The following COL5A1 variants were observed in gnomAD, a reference collection of about 807,000 sequenced individuals.
COL5A1 encodes the protein collagen type V alpha 1 chain, also known as collagen alpha-1(V) chain.
A neutral mutation model predicts 263.7 loss-of-function variants in COL5A1; 16 were observed. The ratio of observed to expected loss-of-function variants is 0.06; its 90% CI spans 0.04 to 0.09. The LOEUF (loss-of-function observed/expected upper bound fraction) is 0.09. COL5A1 is among the 10% of genes least tolerant of loss of function. COL5A1 has a pLI of 1.00. For missense variants in COL5A1, 2,036 were observed against 2,540.5 expected (o/e 0.80, Z 4.27); for synonymous variants, 1,012 against 1,004.5 (o/e 1.01, Z -0.14).
chr9:134,796,865 A>G lies in COL5A1; in HGVS notation c.2862A>G (p.Gln954=). 6.2e-7 allele frequency: 1 copy of G among 1,614,040 alleles called. No individual in the cohort carries two copies. Among genetic ancestry groups the G allele is most frequent in the South Asian group, 1.1e-5 (1 of 91,070 alleles). ...GTTCCCAGGGACCCAATGGACCCCAAGGACCCACAGGATTTCCTGGACCAA... is the reference window on the plus strand; with the variant it reads ...GTTCCCAGGGACCCAATGGACCCCAGGGACCCACAGGATTTCCTGGACCAA... The part of the protein sequence containing the change: ...PPGERGPNGP[Q]GPTGFPGPKG... Residue 954 remains glutamine (Q), a synonymous_variant, in exon 36 of 66, where the codon CAA becomes CAG. Coordinates refer to ENST00000371817, the MANE Select transcript of COL5A1 (RefSeq NM_000093.5).
chr9:134,781,039 G>T (rs1837232201), intron 28 of COL5A1, among the ~76,000 whole-genome samples: 1 of 152,262 alleles, frequency 6.6e-6, no homozygotes, highest in Non-Finnish European at 1.5e-5. Flanking sequence ...TGCGGGTGCT[G>T]GCGTGATGGT....
At chr9:134,650,000 A>G (rs1373483176) in intron 1 of COL5A1, among the ~76,000 whole-genome samples, 3 of 143,034 alleles carry the variant, frequency 2.1e-5, no homozygotes, top group African/African-American at 7.6e-5. Context: ...ACACACGGAC[A>G]CAGGGAGGGG....
At chr9:134,676,677 T>G in intron 1 of COL5A1, among the ~76,000 whole-genome samples, 1 of 152,282 alleles carries the variant, frequency 6.6e-6, no homozygotes, top group Non-Finnish European at 1.5e-5. Flanking sequence ...CATTGGTTGA[T>G]TTGTTCATTT....
intron 4 of COL5A1, among the ~76,000 whole-genome samples, chr9:134,707,941 G>C (rs934267573): frequency 1.3e-5 from 2 of 152,204 alleles, no homozygotes; most frequent in African/African-American, 4.8e-5. Context: ...TGGCGGCTCC[G>C]GGACGTGAGG....
At chr9:134,771,566 T>C (rs952547406) in intron 25 of COL5A1, among the ~76,000 whole-genome samples, 3 of 152,228 alleles carry the variant, frequency 2.0e-5, no homozygotes, top group Admixed American at 6.5e-5. Context: ...TCAAACCCAA[T>C]TGGACAGCTA....
intron 4 of COL5A1, among the ~76,000 whole-genome samples, chr9:134,705,477 G>A (rs1012409502): frequency 2.0e-5 from 3 of 152,250 alleles, no homozygotes; most frequent in Non-Finnish European, 2.9e-5. Context: ...ACAGAGCCAC[G>A]TACGGAGGAA....
intron 1 of COL5A1, among the ~76,000 whole-genome samples, chr9:134,669,470 G>A (rs963392727): frequency 4.0e-5 from 6 of 151,776 alleles, no homozygotes; most frequent in Admixed American, 2.0e-4. Flanking sequence ...ATAGCGATTG[G>A]CATTTTTGTG....
chr9:134,676,903 T>C (rs960314883), intron 1 of COL5A1, among the ~76,000 whole-genome samples: 1 of 152,258 alleles, frequency 6.6e-6, no homozygotes, highest in Non-Finnish European at 1.5e-5. Context: ...CTTTGAGCGC[T>C]GTACCAAGCA....
rs762437910 is a variant in COL5A1 at position 134,842,108 on chromosome 9, G to C, written c.5371-49G>C. 6.2e-6 allele frequency: 10 copies of C among 1,607,888 alleles called. No individual in the cohort carries two copies. Among genetic ancestry groups the C allele is most frequent in the Non-Finnish European group, 8.5e-6 (10 of 1,174,606 alleles). ...GTGGGGGGTGATTGGTAAACCCCAA[G>C]ACCCCCAACTGTTCTTAACCACCGG... On this transcript the variant is annotated intron_variant, in intron 65 of 65. Coordinates refer to ENST00000371817, the MANE Select transcript of COL5A1 (RefSeq NM_000093.5). This position sits in a 1 kb window ranked among gnomAD's most constrained non-coding sequence, Gnocchi z 5.8.
chr9:134,734,685 G>C (rs568171458), intron 9 of COL5A1, among the ~76,000 whole-genome samples: 2 of 152,230 alleles, frequency 1.3e-5, no homozygotes, highest in South Asian at 4.1e-4. Context: ...GGAATCCACG[G>C]AACCGAGAGG....
At chr9:134,646,042 A>T (rs1381108781) in intron 1 of COL5A1, among the ~76,000 whole-genome samples, 1 of 140,190 alleles carries the variant, frequency 7.1e-6, no homozygotes, top group East Asian at 2.1e-4. Flanking sequence ...TTCTCTTTTT[A>T]CTCCAGTGCC....
In COL5A1 at chr9:134,647,408, C is replaced by G. The variant is rs1370365852; in HGVS notation, c.109+5112C>G. ...GTGTGTGTGTGTGTCAGGCCGTGTG[C>G]ACGTGTGGACAATGTGTATATCTCC... On this transcript the variant is annotated intron_variant, in intron 1 of 65. Transcript: ENST00000371817. The surrounding 1 kb of genome is among the most constrained non-coding windows in gnomAD (Gnocchi z 5.0). 6.6e-6 allele frequency among the ~76,000 whole-genome samples: 1 copy of G among 152,134 alleles called. No homozygotes were observed. The highest frequency in any genetic ancestry group is 1.5e-5 in the Non-Finnish European group (1 of 68,034).
chr9:134,750,941 A>G lies in COL5A1; in HGVS notation c.1662+59A>G, dbSNP rs28685814. The G allele has an allele frequency of 1.6e-3, 2,360 of 1,440,840 alleles. 33 individuals are homozygous for G. In the African/African-American group the frequency reaches 0.028, roughly 17 times the overall value. The allele number at this position is 1,440,840 out of a possible 1,614,324, so 89.3% of individuals were successfully genotyped here. A position where few individuals can be genotyped will look rare whatever the true frequency, so the allele number is the denominator to read the frequency against. On this transcript the variant is annotated intron_variant, in intron 13 of 65. Coordinates refer to ENST00000371817, the MANE Select transcript of COL5A1 (RefSeq NM_000093.5). ...GGACAGAGCCCAGCCCCAGGGGCCA[A>G]CAGGAGTGAGTGAGTCAGGCTCAGA...
rs1441840758 is a variant in COL5A1, at chr9:134,734,474, T to A, written c.1389+2347T>A. Among the ~76,000 whole-genome samples, 5 of 152,242 alleles carry A rather than the reference T, an allele frequency of 3.3e-5. 1 individual carries two copies. The East Asian group carries it at 9.6e-4, about 29-fold the overall frequency. ...AACCTGGAACGTTGCCAGATATCCT[T>A]GGGTCCAAGCTGCACATAAACAGAT... is the stretch of plus-strand genomic sequence containing the variant. On this transcript the variant is annotated intron_variant, in intron 9 of 65. Transcript: ENST00000371817.
Position 134,811,609 on chromosome 9 carries a change from G to GTGAGAACCCCACA in COL5A1, c.3690+10_3690+11insTGAGAACCCCACA. 1 of 1,546,706 alleles carries GTGAGAACCCCACA rather than the reference G, an allele frequency of 6.5e-7. No homozygotes were observed. Among genetic ancestry groups the GTGAGAACCCCACA allele is most frequent in the Non-Finnish European group, 8.8e-7 (1 of 1,141,942 alleles). On this transcript the variant is annotated intron_variant, in intron 46 of 65. Coordinates refer to ENST00000371817, the MANE Select transcript of COL5A1 (RefSeq NM_000093.5). ...GCCAGTGGGGCTGCAGGTAACTGTGGGGTTCTCACCACACCGGGCTCCTCC... is the reference window on the plus strand; with the variant it reads ...GCCAGTGGGGCTGCAGGTAACTGTGGTGAGAACCCCACAGGTTCTCACCACACCGGGCTCCTCC...
At chr9:134,767,452 T>C (rs1836718476) in intron 24 of COL5A1, 98 bp downstream of exon 24, 11 of 1,149,304 alleles carry the variant, frequency 9.6e-6, no homozygotes, top group Non-Finnish European at 1.4e-5. Flanking sequence ...CAGCTCTCAA[T>C]GTATATCTTG....
intron 13 of COL5A1, 91 bp downstream of exon 13, chr9:134,750,973 C>G (rs1835756780): frequency 9.1e-7 from 1 of 1,095,286 alleles, no homozygotes; most frequent in South Asian, 1.3e-5. Flanking sequence ...CAGAGCCCAA[C>G]TTGGAGGGAA....
chr9:134,745,906 C>T (rs748992257), intron 11 of COL5A1, among the ~76,000 whole-genome samples: 8 of 152,130 alleles, frequency 5.3e-5, no homozygotes, highest in East Asian at 1.9e-4. Context: ...AGCTTGCCGG[C>T]GCATCTCTGC....
At chr9:134,798,918 G>T (rs889160147) in intron 37 of COL5A1, among the ~76,000 whole-genome samples, 1 of 152,160 alleles carries the variant, frequency 6.6e-6, no homozygotes, top group African/African-American at 2.4e-5. Flanking sequence ...TCAGTCATTC[G>T]ATGCTGCAAT....
Sources: allele counts gnomAD v4.1 joint callset (sites outside exome capture counted in the v4.1 genomes callset), GRCh38; gene constraint gnomAD v4.1.1; non-coding constraint Gnocchi (gnomAD v3.1); transcripts MANE v1.5; gene names NCBI Gene and HGNC (gene_info 2026-07-23, HGNC 2026-07-21).